The following RAB2A variants were observed in gnomAD, a reference collection of about 807,000 sequenced individuals.
RAB2A encodes ras-related protein Rab-2A.
RAB2A carries 7 observed loss-of-function variants against 32.5 expected under a neutral mutation model. That is an observed-to-expected ratio of 0.22 (90% CI 0.12 to 0.40). RAB2A has a LOEUF of 0.40. Among genes scored for constraint, RAB2A ranks in the 10% least tolerant of loss-of-function variants. RAB2A has a pLI of 1.00. For missense variants in RAB2A, 108 were observed against 260.7 expected, an observed-to-expected ratio of 0.41 and a Z score of 4.03; for synonymous variants, 79 against 85.2, an observed-to-expected ratio of 0.93 and a Z score of 0.40.
intron 6 of RAB2A, among the ~76,000 whole-genome samples, chr8:60,618,277 A>T (rs190411653): frequency 6.6e-6 from 1 of 152,308 alleles, no homozygotes; most frequent in East Asian, 1.9e-4. Flanking sequence ...CTTAGATGCC[A>T]TTCTTTAGAT....
At chr8:60,523,510 T>G (rs971213245) in intron 1 of RAB2A, among the ~76,000 whole-genome samples, 2 of 152,178 alleles carry the variant, frequency 1.3e-5, no homozygotes, top group African/African-American at 4.8e-5. Flanking sequence ...TCCACTGGCC[T>G]GAATTTTATA....
rs1804553900 is a variant in RAB2A at position 60,623,032 on chromosome 8, G to C, written c.*2263G>C. On this transcript the variant is annotated 3_prime_UTR_variant, in exon 8 of 8. Transcript: ENST00000262646. ...AGTTGATCTTCGATCAGTTTTTATA[G>C]CATCTATGGACATAGAAAATCAGTC... 1 of 151,992 alleles carries C rather than the reference G, an allele frequency of 6.6e-6. No individual in the cohort carries two copies. The allele number at this position is 151,992 out of a possible 1,614,324, so 9.4% of individuals were successfully genotyped here.
chr8:60,575,242 A>G (rs890305017), intron 3 of RAB2A, among the ~76,000 whole-genome samples: 1 of 151,652 alleles, frequency 6.6e-6, no homozygotes, highest in South Asian at 2.1e-4. Flanking sequence ...GGGACTACAC[A>G]TGCATGCCAC....
intron 6 of RAB2A, among the ~76,000 whole-genome samples, chr8:60,602,750 T>C (rs764328222): frequency 2.6e-5 from 4 of 152,228 alleles, no homozygotes; most frequent in Non-Finnish European, 5.9e-5. Flanking sequence ...AGGTTGACCC[T>C]TGGACTTAGA....
At chr8:60,549,533 T>C (rs985003194) in intron 1 of RAB2A, among the ~76,000 whole-genome samples, 3 of 150,444 alleles carry the variant, frequency 2.0e-5, no homozygotes, top group Admixed American at 1.3e-4. Context: ...TAGAAAATGA[T>C]TGGGGATTGG....
intron 5 of RAB2A, among the ~76,000 whole-genome samples, chr8:60,585,193 C>G (rs1019294401): frequency 6.6e-6 from 1 of 152,118 alleles, no homozygotes; most frequent in Non-Finnish European, 1.5e-5. Context: ...CCATAAACTT[C>G]TAAGAGTGTG....
intron 2 of RAB2A, 77 bp downstream of exon 2, chr8:60,559,000 A>G: frequency 1.0e-6 from 1 of 1,003,266 alleles, no homozygotes; most frequent in Non-Finnish European, 1.5e-6. Context: ...GGTCCATTCT[A>G]CTAGTGATGA....
chr8:60,556,761 C>T (rs1325637834), intron 1 of RAB2A, among the ~76,000 whole-genome samples: 1 of 151,334 alleles, frequency 6.6e-6, no homozygotes, highest in Middle Eastern at 3.2e-3. Flanking sequence ...ATTAGTATTA[C>T]TAGAGTGATA....
intron 1 of RAB2A, among the ~76,000 whole-genome samples, chr8:60,557,279 G>A (rs1428859681): frequency 2.0e-5 from 3 of 152,136 alleles, no homozygotes; most frequent in African/African-American, 4.8e-5. Context: ...ATTTTGGGAC[G>A]CCGAGGGGGA....
At chr8:60,584,171 ATT>A in intron 3 of RAB2A, 35 bp from the exon 4 acceptor site, 1 of 1,471,106 alleles carries the variant, frequency 6.8e-7, no homozygotes, top group South Asian at 1.1e-5. Flanking sequence ...AGGACATTGT[ATT>A]AAAGGAAACT....
At chr8:60,519,899 T>C (rs1807276224) in intron 1 of RAB2A, among the ~76,000 whole-genome samples, 1 of 152,148 alleles carries the variant, frequency 6.6e-6, no homozygotes, top group South Asian at 2.1e-4. Context: ...GGCAAAATCC[T>C]TTACCATATT....
chr8:60,600,080 A>C (rs1804106226), intron 6 of RAB2A, among the ~76,000 whole-genome samples: 1 of 149,256 alleles, frequency 6.7e-6, no homozygotes. Context: ...AAAAAAAAAA[A>C]CAATGCAATT....
At chr8:60,564,200 C>T (rs1157876281) in intron 2 of RAB2A, among the ~76,000 whole-genome samples, 1 of 152,132 alleles carries the variant, frequency 6.6e-6, no homozygotes, top group Non-Finnish European at 1.5e-5. Flanking sequence ...TGGTTTCACT[C>T]AGAAAATAGA....
chr8:60,605,168 C>G (rs896099060), intron 6 of RAB2A, among the ~76,000 whole-genome samples: 1 of 152,194 alleles, frequency 6.6e-6, no homozygotes, highest in Non-Finnish European at 1.5e-5. Context: ...GCTCGGGACA[C>G]TGTTTCAGAG....
intron 1 of RAB2A, among the ~76,000 whole-genome samples, chr8:60,553,395 G>A (rs570849319): frequency 1.3e-5 from 2 of 152,284 alleles, no homozygotes; most frequent in African/African-American, 2.4e-5. Flanking sequence ...TCACAGCAAC[G>A]CCTAGATTAG....
chr8:60,523,258 C>T (rs1035454187), intron 1 of RAB2A, among the ~76,000 whole-genome samples: 3 of 151,726 alleles, frequency 2.0e-5, no homozygotes, highest in African/African-American at 4.8e-5. Context: ...CCTGGATTCA[C>T]GCCATTCTCC....
intron 1 of RAB2A, among the ~76,000 whole-genome samples, chr8:60,523,560 T>C (rs186639679): frequency 8.7e-4 from 132 of 152,346 alleles, no homozygotes; most frequent in African/African-American, 2.9e-3. Flanking sequence ...GTATCACTTA[T>C]GGATTCCTAA....
chr8:60,595,442 A>C (rs537431998), intron 6 of RAB2A, among the ~76,000 whole-genome samples: 25 of 152,382 alleles, frequency 1.6e-4, no homozygotes, highest in African/African-American at 5.8e-4. Flanking sequence ...ACACAAATCA[A>C]AAGGGATTAG....
chr8:60,584,164 A>G (rs2130848849), intron 3 of RAB2A, 44 bp from the exon 4 acceptor site: 1 of 1,391,370 alleles, frequency 7.2e-7, no homozygotes, highest in Admixed American at 1.7e-5. Context: ...AATGTAGAGG[A>G]CATTGTATTA....
Sources: gnomAD v4.1 joint callset for allele counts (sites outside exome capture counted in the v4.1 genomes callset) on GRCh38, gnomAD v4.1.1 for gene constraint, MANE v1.5 for transcripts, NCBI Gene and HGNC (gene_info 2026-07-23, HGNC 2026-07-21) for gene names.